Variants in SLC35F1 observed in about 807,000 individuals in gnomAD.
SLC35F1 encodes the protein chromosome 6 open reading frame 169.
Under a neutral mutation model 48.7 loss-of-function variants are expected in SLC35F1, and 14 were observed. The ratio of observed to expected loss-of-function variants is 0.29; its 90% CI spans 0.19 to 0.45. The LOEUF (loss-of-function observed/expected upper bound fraction) is 0.45, where lower values mean the gene tolerates loss of function less well. Among genes scored for constraint, SLC35F1 ranks in the 20% least tolerant of loss-of-function variants. The pLI, the probability that SLC35F1 is intolerant of heterozygous loss-of-function variation, is 1.00. For synonymous variants in SLC35F1, 190 were observed against 202.2 expected (o/e 0.94, Z 0.51); for missense variants, 404 against 500.0 (o/e 0.81, Z 1.83).
chr6:117,923,764 C>CATATATGT (rs1775970583), intron 1 of SLC35F1, among the ~76,000 whole-genome samples: 3 of 2,168 alleles, frequency 1.4e-3, no homozygotes, highest in Non-Finnish European at 1.7e-3. Flanking sequence ...TATACATATG[C>CATATATGT]ACATACATAT....
At chr6:118,308,374 A>T (rs1225279645) in intron 7 of SLC35F1, among the ~76,000 whole-genome samples, 3 of 152,204 alleles carry the variant, frequency 2.0e-5, no homozygotes, top group African/African-American at 7.2e-5. Context: ...ACTTAATTAA[A>T]AGTCTCATTT....
chr6:118,082,556 A>C (rs1320930806), intron 1 of SLC35F1, among the ~76,000 whole-genome samples: 2 of 152,062 alleles, frequency 1.3e-5, no homozygotes, highest in Non-Finnish European at 2.9e-5. Flanking sequence ...AGTAACATAA[A>C]CTCAACTCTA....
At chr6:117,999,872 A>G (rs1441029861) in intron 1 of SLC35F1, among the ~76,000 whole-genome samples, 2 of 151,498 alleles carry the variant, frequency 1.3e-5, no homozygotes, top group Non-Finnish European at 2.9e-5. Context: ...ATTCCTCGAC[A>G]CATATACCCT....
chr6:118,268,424 A>C (rs138212098), intron 4 of SLC35F1, among the ~76,000 whole-genome samples: 9 of 152,096 alleles, frequency 5.9e-5, no homozygotes, highest in African/African-American at 2.2e-4. Flanking sequence ...ATTCTCTTCT[A>C]TGAAACACTG....
intron 3 of SLC35F1, among the ~76,000 whole-genome samples, chr6:118,252,443 G>A (rs1775586362): frequency 6.6e-6 from 1 of 152,100 alleles, no homozygotes; most frequent in South Asian, 2.1e-4. Flanking sequence ...GTCACCGGGG[G>A]AATGGTTGTG....
chr6:118,029,739 A>G (rs1582627710), intron 1 of SLC35F1, among the ~76,000 whole-genome samples: 1 of 152,326 alleles, frequency 6.6e-6, no homozygotes, highest in East Asian at 1.9e-4. Flanking sequence ...TACTGTTTAC[A>G]AAAGTTGAAT....
Position 118,310,264 on chromosome 6 carries a change from G to A in SLC35F1, c.1003-3764G>A, listed in dbSNP as rs374759886. On this transcript the variant is annotated intron_variant, in intron 7 of 7. Transcript: ENST00000360388. ...TTCCCTTACCTGTAACTCAGAGACA[G>A]CTTTCAGTCCTCATATAGCATTCCA... 3.9e-5 allele frequency among the ~76,000 whole-genome samples: 6 copies of A among 152,194 alleles called. No homozygotes were observed. The East Asian group carries it at 5.8e-4, about 15-fold the overall frequency.
intron 1 of SLC35F1, among the ~76,000 whole-genome samples, chr6:118,050,244 T>G (rs1199811853): frequency 6.6e-6 from 1 of 151,908 alleles, no homozygotes; most frequent in Non-Finnish European, 1.5e-5. Context: ...AGGGATAGCA[T>G]TAGGAGATAT....
At chr6:118,189,932 G>A (rs931301904) in intron 2 of SLC35F1, among the ~76,000 whole-genome samples, 11 of 152,206 alleles carry the variant, frequency 7.2e-5, no homozygotes, top group African/African-American at 2.4e-4. Context: ...AAGTATGTCT[G>A]CTGGGATTGG....
In SLC35F1 at chr6:118,314,326, G is replaced by GA; in HGVS notation, c.*75dup. 1.5e-6 allele frequency: 2 copies of GA among 1,358,358 alleles called. No homozygotes were observed. The highest frequency in any genetic ancestry group is 2.1e-6 in the Non-Finnish European group (2 of 962,474). 84.1% of individuals were successfully genotyped at this position (1,358,358 alleles called of 1,614,324 possible). On this transcript the variant is annotated 3_prime_UTR_variant, in exon 8 of 8. Coordinates refer to ENST00000360388, the MANE Select transcript of SLC35F1 (RefSeq NM_001029858.4). ...GCCCATCATCTCTGTATTGTACATA[G>GA]AGAAAGGTATTTACTAGGTGCAGTT...
intron 1 of SLC35F1, among the ~76,000 whole-genome samples, chr6:118,006,718 A>C (rs1777178502): frequency 6.6e-6 from 1 of 152,204 alleles, no homozygotes; most frequent in Non-Finnish European, 1.5e-5. Context: ...TCATTAAAAA[A>C]TTGACATTTA....
At chr6:118,166,221 A>G (rs1774315395) in intron 2 of SLC35F1, among the ~76,000 whole-genome samples, 6 of 152,208 alleles carry the variant, frequency 3.9e-5, no homozygotes, top group Admixed American at 3.9e-4. Flanking sequence ...GGAGGCTACA[A>G]AGCCACTTCT....
intron 1 of SLC35F1, among the ~76,000 whole-genome samples, chr6:118,142,558 T>C (rs753548625): frequency 3.5e-5 from 4 of 114,112 alleles, no homozygotes; most frequent in Non-Finnish European, 6.7e-5. Flanking sequence ...CAGAATTATA[T>C]TTATTCATTT....
intron 1 of SLC35F1, among the ~76,000 whole-genome samples, chr6:117,932,982 A>C (rs1776120878): frequency 6.6e-6 from 1 of 152,230 alleles, no homozygotes; most frequent in African/African-American, 2.4e-5. Context: ...CGTTGATTTT[A>C]CTAAAACTGT....
At chr6:118,008,838 C>T (rs1446282205) in intron 1 of SLC35F1, among the ~76,000 whole-genome samples, 1 of 152,128 alleles carries the variant, frequency 6.6e-6, no homozygotes, top group East Asian at 1.9e-4. Context: ...GTCTAAACTC[C>T]CTCTGGAGTT....
chr6:117,997,540 C>T (rs1166095495), intron 1 of SLC35F1, among the ~76,000 whole-genome samples: 2 of 152,140 alleles, frequency 1.3e-5, no homozygotes, highest in Non-Finnish European at 2.9e-5. Flanking sequence ...TCAGGTTACC[C>T]ACAAAGGGAA....
At chr6:118,142,446 T>C (rs1285228006) in intron 1 of SLC35F1, among the ~76,000 whole-genome samples, 1 of 152,146 alleles carries the variant, frequency 6.6e-6, no homozygotes, top group East Asian at 1.9e-4. Context: ...TTCTCTTCCA[T>C]CTTAATGGCA....
intron 1 of SLC35F1, among the ~76,000 whole-genome samples, chr6:118,053,575 A>G (rs948120197): frequency 3.3e-5 from 5 of 152,200 alleles, no homozygotes; most frequent in Non-Finnish European, 7.3e-5. Context: ...TATTTCACCA[A>G]TTATAATCAT....
At chr6:118,138,338 G>GA (rs1438229500) in intron 1 of SLC35F1, among the ~76,000 whole-genome samples, 3 of 151,634 alleles carry the variant, frequency 2.0e-5, no homozygotes, top group Non-Finnish European at 2.9e-5. Flanking sequence ...AACCTTAGAG[G>GA]AAAAAACCAC....
Sources: gnomAD v4.1 joint callset for allele counts (sites outside exome capture counted in the v4.1 genomes callset) on GRCh38, gnomAD v4.1.1 for gene constraint, MANE v1.5 for transcripts, NCBI Gene and HGNC (gene_info 2026-07-23, HGNC 2026-07-21) for gene names.